The following IL1RAPL1 variants were observed in gnomAD, a reference collection of about 807,000 sequenced individuals.
IL1RAPL1 encodes interleukin-1 receptor accessory protein-like 1.
Under a neutral mutation model 48.4 loss-of-function variants are expected in IL1RAPL1, and 3 were observed. The observed-to-expected ratio is 0.06, with a 90% CI of 0.03 to 0.16. The LOEUF is 0.16. Ranked by LOEUF, IL1RAPL1 falls within the 10% of genes least tolerant of loss-of-function variation. The pLI is 1.00. For synonymous variants in IL1RAPL1, 185 were observed against 187.7 expected, an observed-to-expected ratio of 0.99 and a Z score of 0.12; for missense variants, 349 against 530.6, an observed-to-expected ratio of 0.66 and a Z score of 3.36.
intron 8 of IL1RAPL1, among the ~76,000 whole-genome samples, chrX:29,939,776 A>G (rs903677434): frequency 8.9e-6 from 1 of 112,102 alleles, no homozygotes; most frequent in African/African-American, 3.2e-5. Flanking sequence ...AGAAAAACAC[A>G]CTTGATTAAA....
At chrX:29,803,370 T>C (rs749470830) in intron 6 of IL1RAPL1, among the ~76,000 whole-genome samples, 1 of 87,936 alleles carries the variant, frequency 1.1e-5, no homozygotes, top group Non-Finnish European at 2.2e-5. Flanking sequence ...TACACATATG[T>C]ATATATGTAT....
At chrX:29,671,954 T>G (rs1926152079) in intron 6 of IL1RAPL1, among the ~76,000 whole-genome samples, 1 of 112,432 alleles carries the variant, frequency 8.9e-6, no homozygotes, top group African/African-American at 3.2e-5. Flanking sequence ...GTCAGTGTTG[T>G]CTTTAAAATA....
rs996058411 is a variant in IL1RAPL1, at chrX:28,636,308, C to A, written c.-25+48261C>A. On this transcript the variant is annotated intron_variant, in intron 1 of 10. Coordinates refer to ENST00000378993, the MANE Select transcript of IL1RAPL1 (RefSeq NM_014271.4). ...ATTGATTGCCTACTATAATTCCAGG[C>A]AGAGTGAGCAAACCACCACAGAACT... is the stretch of plus-strand genomic sequence containing the variant. 4.5e-5 allele frequency among the ~76,000 whole-genome samples: 5 copies of A among 111,716 alleles called. No individual in the cohort carries two copies. The Admixed American group carries it at 4.8e-4, about 11-fold the overall frequency.
intron 1 of IL1RAPL1, among the ~76,000 whole-genome samples, chrX:28,687,471 C>A (rs993305195): frequency 3.6e-5 from 4 of 112,185 alleles, no homozygotes; most frequent in Non-Finnish European, 7.5e-5. Context: ...CTTTATTTTA[C>A]CAGTGAACAA....
intron 1 of IL1RAPL1, among the ~76,000 whole-genome samples, chrX:28,593,597 G>A (rs1043112647): frequency 9.0e-6 from 1 of 111,369 alleles, no homozygotes; most frequent in Non-Finnish European, 1.9e-5. Context: ...GTAACACTAC[G>A]TCAGGATATT....
At chrX:29,514,888 G>T (rs1310466939) in intron 5 of IL1RAPL1, among the ~76,000 whole-genome samples, 1 of 112,512 alleles carries the variant, frequency 8.9e-6, no homozygotes, top group African/African-American at 3.2e-5. Flanking sequence ...GAGCTTAACT[G>T]AACTTCTTTA....
At chrX:29,462,678 T>G (rs1344315099) in intron 5 of IL1RAPL1, among the ~76,000 whole-genome samples, 2 of 111,508 alleles carry the variant, frequency 1.8e-5, no homozygotes. Context: ...ACAATGGATA[T>G]TGACTGACTT....
At chrX:29,259,839 A>G (rs1430523432) in intron 2 of IL1RAPL1, among the ~76,000 whole-genome samples, 3 of 111,239 alleles carry the variant, frequency 2.7e-5, no homozygotes, top group African/African-American at 9.8e-5. Flanking sequence ...GAAGGAGGCC[A>G]GTAAAATGTT....
At chrX:29,584,894 A>G (rs1923106316) in intron 5 of IL1RAPL1, among the ~76,000 whole-genome samples, 1 of 112,083 alleles carries the variant, frequency 8.9e-6, no homozygotes, top group Admixed American at 9.5e-5. Flanking sequence ...CACACAGCTG[A>G]TCAATCTGTT....
intron 3 of IL1RAPL1, among the ~76,000 whole-genome samples, chrX:29,343,826 T>A (rs1049461512): frequency 9.0e-6 from 1 of 111,391 alleles, no homozygotes; most frequent in Non-Finnish European, 1.9e-5. Context: ...AGTGAGAAAC[T>A]CTTCTTAATT....
chrX:29,877,650 C>T (rs768197274), intron 6 of IL1RAPL1, among the ~76,000 whole-genome samples: 80 of 111,723 alleles, frequency 7.2e-4, no homozygotes, highest in Non-Finnish European at 3.0e-4. Context: ...TTAATACACA[C>T]GTACTCTTAG....
In IL1RAPL1 at chrX:29,037,820, G is replaced by A. The variant is rs371615446; in HGVS notation, c.83-245118G>A. Among the ~76,000 whole-genome samples the A allele has an allele frequency of 4.5e-5, 5 of 111,719 alleles. No individual in the cohort carries two copies. The East Asian group carries it at 1.4e-3, about 32-fold the overall frequency. On this transcript the variant is annotated intron_variant, in intron 2 of 10. Coordinates refer to ENST00000378993, the MANE Select transcript of IL1RAPL1 (RefSeq NM_014271.4). ...ATATAGCATGAGTCCAGTGACCCCT[G>A]TTCTCATTGTTCATCTATCTCCAAC...
intron 6 of IL1RAPL1, among the ~76,000 whole-genome samples, chrX:29,895,514 T>C (rs190826167): frequency 6.1e-4 from 69 of 112,865 alleles, no homozygotes; most frequent in Non-Finnish European, 1.1e-3. Flanking sequence ...ACTGCACCAC[T>C]GCACTGCAGC....
Position 29,707,009 on chromosome X carries a change from C to A in IL1RAPL1, c.778+38505C>A, listed in dbSNP as rs777057150. 8.9e-5 allele frequency among the ~76,000 whole-genome samples: 10 copies of A among 111,938 alleles called. No individual in the cohort carries two copies. The South Asian group carries it at 3.7e-3, about 42-fold the overall frequency. On this transcript the variant is annotated intron_variant, in intron 6 of 10. Transcript: ENST00000378993. Reference sequence around the variant, plus strand: ...ATCAGCAGAGTTAACAGACAACCCGCAGAGTGGGAGAAAATCTTCACAATC... The same window carrying A: ...ATCAGCAGAGTTAACAGACAACCCGAAGAGTGGGAGAAAATCTTCACAATC...
At chrX:29,508,051 A>G (rs1390182729) in intron 5 of IL1RAPL1, among the ~76,000 whole-genome samples, 1 of 111,549 alleles carries the variant, frequency 9.0e-6, no homozygotes, top group African/African-American at 3.3e-5. Flanking sequence ...GACAGATAAC[A>G]ATTTTGGTGG....
intron 2 of IL1RAPL1, among the ~76,000 whole-genome samples, chrX:28,987,124 G>T (rs1925494635): frequency 8.9e-6 from 1 of 112,302 alleles, no homozygotes; most frequent in Non-Finnish European, 1.9e-5. Context: ...TGAGTTTTTT[G>T]TTAAGAGTCT....
chrX:28,878,395 T>C (rs773783794), intron 2 of IL1RAPL1, among the ~76,000 whole-genome samples: 2 of 111,834 alleles, frequency 1.8e-5, no homozygotes, highest in Admixed American at 9.5e-5. Flanking sequence ...TAGGGAATGC[T>C]TTTTCCTAAC....
chrX:29,473,059 C>A (rs1934938330), intron 5 of IL1RAPL1, among the ~76,000 whole-genome samples: 1 of 111,291 alleles, frequency 9.0e-6, no homozygotes, highest in African/African-American at 3.3e-5. Flanking sequence ...GTTTTGGAGA[C>A]TAGAAGTGTG....
intron 2 of IL1RAPL1, among the ~76,000 whole-genome samples, chrX:29,007,406 G>A (rs1926010416): frequency 8.9e-6 from 1 of 111,998 alleles, no homozygotes; most frequent in African/African-American, 3.2e-5. Flanking sequence ...ATTAAACAAT[G>A]AGTTAAGTCA....
Sources: gnomAD v4.1 joint callset for allele counts (sites outside exome capture counted in the v4.1 genomes callset) on GRCh38, gnomAD v4.1.1 for gene constraint, MANE v1.5 for transcripts, NCBI Gene and HGNC (gene_info 2026-07-23, HGNC 2026-07-21) for gene names.